UTY: variants seen among roughly 807,000 people sequenced by gnomAD.
The protein encoded by UTY is ubiquitously transcribed tetratricopeptide repeat containing, Y-linked, also known as histone demethylase UTY.
In UTY, 12 loss-of-function variants were observed where a neutral mutation model predicts 32.5. The ratio of observed to expected loss-of-function variants is 0.37; its 90% CI spans 0.24 to 0.60. The LOEUF (loss-of-function observed/expected upper bound fraction) is 0.60, where lower values mean the gene tolerates loss of function less well. UTY is among the 20% of genes least tolerant of loss of function. The probability of loss-of-function intolerance (pLI) is 0.69; values close to 1 mark genes in which losing one functional copy is unlikely to be tolerated. For missense variants in UTY, 303 were observed against 299.2 expected (o/e 1.01, Z -0.09); for synonymous variants, 131 against 103.4 (o/e 1.27, Z -1.62).
At chrY:13,418,319 T>C (rs9786061) in intron 4 of UTY, among the ~76,000 whole-genome samples, 2 of 31,910 alleles carry the variant, frequency 6.3e-5, no homozygotes, top group African/African-American at 2.5e-4. Flanking sequence ...TTAATGGAGA[T>C]TTGGGTTGGT....
intron 26 of UTY, 120 bp from the exon 27 acceptor site, chrY:13,297,968 C>G: frequency 1.2e-4 from 20 of 169,100 alleles, no homozygotes; most frequent in Non-Finnish European, 2.2e-5. Context: ...CCTTGAAACA[C>G]CGTAAGACTA....
chrY:13,272,413 A>C (rs946892799), intron 27 of UTY, among the ~76,000 whole-genome samples: 2 of 33,495 alleles, frequency 6.0e-5, no homozygotes, highest in South Asian at 1.3e-3. Flanking sequence ...TGGCCATGAG[A>C]CTCCAAGACA....
At chrY:13,404,785 C>T (rs2069609627) in intron 6 of UTY, among the ~76,000 whole-genome samples, 1 of 32,897 alleles carries the variant, frequency 3.0e-5, no homozygotes, top group Non-Finnish European at 7.6e-5. Flanking sequence ...CATGTTGATC[C>T]GGCTATAGAG....
intron 7 of UTY, chrY:13,396,666 T>C: frequency 1.7e-5 from 1 of 59,366 alleles, no homozygotes; most frequent in Non-Finnish European, 3.4e-5. Context: ...ACTACTAAAG[T>C]AGGTAATCAC....
intron 6 of UTY, among the ~76,000 whole-genome samples, chrY:13,399,249 T>C (rs764330024): frequency 3.0e-5 from 1 of 32,985 alleles, no homozygotes; most frequent in Admixed American, 2.8e-4. Flanking sequence ...CGTCACAACA[T>C]TGATGAATAC....
At chrY:13,477,604 G>A in intron 2 of UTY, among the ~76,000 whole-genome samples, 1 of 32,700 alleles carries the variant, frequency 3.1e-5, no homozygotes, top group African/African-American at 1.2e-4. Context: ...AAATTGGAAA[G>A]GATCAATATG....
intron 10 of UTY, among the ~76,000 whole-genome samples, chrY:13,364,780 A>C (rs2063933494): frequency 5.9e-5 from 2 of 34,022 alleles, no homozygotes; most frequent in Non-Finnish European, 1.5e-4. Context: ...ACATGTACAA[A>C]TATGTATTCT....
chrY:13,294,297 A>C, intron 27 of UTY, among the ~76,000 whole-genome samples: 1 of 33,807 alleles, frequency 3.0e-5, no homozygotes, highest in Admixed American at 2.7e-4. Context: ...AGACCTCAGA[A>C]ATACATAACT....
chrY:13,349,190 C>T (rs753635511), intron 17 of UTY, among the ~76,000 whole-genome samples: 124 of 32,706 alleles, frequency 3.8e-3, no homozygotes, highest in Admixed American at 0.019. Context: ...CCTGAGCATC[C>T]GTTCTTAAAA....
chrY:13,251,923 G>A, intron 28 of UTY, among the ~76,000 whole-genome samples: 1 of 32,235 alleles, frequency 3.1e-5, no homozygotes, highest in African/African-American at 1.2e-4. Context: ...GCTCACGCCT[G>A]TAATCCCAGC....
At chrY:13,445,638 T>C in intron 4 of UTY, among the ~76,000 whole-genome samples, 1 of 32,224 alleles carries the variant, frequency 3.1e-5, no homozygotes, top group Non-Finnish European at 7.6e-5. Context: ...TATTATCATC[T>C]GCAAACACAG....
chrY:13,389,737 G>A (rs2067314323), intron 8 of UTY, among the ~76,000 whole-genome samples: 1 of 33,335 alleles, frequency 3.0e-5, no homozygotes, highest in Non-Finnish European at 7.4e-5. Context: ...GCTTTGTAAC[G>A]TACTCTGAAA....
At chrY:13,297,998 T>C in intron 26 of UTY, 150 bp from the exon 27 acceptor site, 1 of 152,120 alleles carries the variant, frequency 6.6e-6, no homozygotes, top group South Asian at 5.2e-5. Flanking sequence ...GTGATAACTT[T>C]GGTTAAAAAA....
At chrY:13,417,515 T>G in intron 4 of UTY, among the ~76,000 whole-genome samples, 1 of 33,652 alleles carries the variant, frequency 3.0e-5, no homozygotes, top group African/African-American at 1.2e-4. Context: ...TTTACATCAC[T>G]AAGCAGACAA....
chrY:13,335,349 GA>G (rs2060979528), intron 18 of UTY, among the ~76,000 whole-genome samples: 12 of 27,367 alleles, frequency 4.4e-4, no homozygotes, highest in African/African-American at 1.6e-3. Flanking sequence ...AGAACTTAAA[GA>G]AAAAAAAAAC....
intron 18 of UTY, among the ~76,000 whole-genome samples, chrY:13,329,698 T>A: frequency 3.0e-5 from 1 of 33,780 alleles, no homozygotes; most frequent in Non-Finnish European, 7.4e-5. Flanking sequence ...GCTGTTTTTT[T>A]AAAAAGGTGG....
rs1603314957 is a variant in UTY at position 13,290,175 on chromosome Y, G to A, written c.4010+7532C>T. Among the ~76,000 whole-genome samples, 9 of 31,972 alleles carry A rather than the reference G, an allele frequency of 2.8e-4. No homozygotes were observed. In the East Asian group the frequency reaches 7.2e-3, roughly 26 times the overall value. The allele number at this position is 31,972 out of a possible 37,273, so 85.8% of individuals were successfully genotyped here. A position where few individuals can be genotyped will look rare whatever the true frequency, so the allele number is the denominator to read the frequency against. ...TAGAAGAAAAATAAAGATTAGAGTA[G>A]AAATAAATGAAGAAAACAAAATAAA... On this transcript the variant is annotated intron_variant, in intron 27 of 29. Coordinates refer to ENST00000545955, the MANE Select transcript of UTY (RefSeq NM_001258249.2).
At chrY:13,364,524 C>G (rs1468652958) in intron 10 of UTY, among the ~76,000 whole-genome samples, 1 of 32,850 alleles carries the variant, frequency 3.0e-5, no homozygotes, top group Non-Finnish European at 7.4e-5. Flanking sequence ...GCTCACCACA[C>G]CCACCTAATT....
intron 28 of UTY, among the ~76,000 whole-genome samples, chrY:13,256,993 C>T: frequency 2.9e-5 from 1 of 34,072 alleles, no homozygotes; most frequent in Admixed American, 2.6e-4. Flanking sequence ...AACACAGATA[C>T]AGCATTACCT....
Sources: gnomAD v4.1 joint callset for allele counts (sites outside exome capture counted in the v4.1 genomes callset) on GRCh38, gnomAD v4.1.1 for gene constraint, MANE v1.5 for transcripts, NCBI Gene and HGNC (gene_info 2026-07-23, HGNC 2026-07-21) for gene names.